Variants in DSCAM observed in about 807,000 individuals in gnomAD.
DSCAM encodes cell adhesion molecule DSCAM.
A neutral mutation model predicts 217.7 loss-of-function variants in DSCAM; 47 were observed. The observed-to-expected ratio is 0.22, with a 90% CI of 0.17 to 0.28. The LOEUF is 0.28. DSCAM is among the 10% of genes least tolerant of loss of function. DSCAM has a pLI of 1.00. For synonymous variants in DSCAM, 1,056 were observed against 1,015.3 expected, an observed-to-expected ratio of 1.04 and a Z score of -0.76; for missense variants, 2,080 against 2,618.3, an observed-to-expected ratio of 0.79 and a Z score of 4.49.
intron 1 of DSCAM, among the ~76,000 whole-genome samples, chr21:40,758,442 G>A (rs1021676367): frequency 1.3e-5 from 2 of 150,062 alleles, no homozygotes; most frequent in Non-Finnish European, 3.0e-5. Flanking sequence ...GCGTGAACCC[G>A]GGAGACGGAG....
At chr21:40,622,662 A>AG (rs1180365396) in intron 3 of DSCAM, among the ~76,000 whole-genome samples, 2 of 152,150 alleles carry the variant, frequency 1.3e-5, no homozygotes, top group African/African-American at 2.4e-5. Context: ...TACCAGCACG[A>AG]GGGGTCTAGT....
At chr21:40,540,238 T>G (rs2076532924) in intron 3 of DSCAM, among the ~76,000 whole-genome samples, 1 of 152,128 alleles carries the variant, frequency 6.6e-6, no homozygotes, top group African/African-American at 2.4e-5. Context: ...CATTAATCCA[T>G]TCACTAAACA....
chr21:40,051,922 AACACCCACACATTTTAAGCATTGTTG>A lies in DSCAM; in HGVS notation c.5185+10_5185+35del. On this transcript the variant is annotated intron_variant, in intron 30 of 32. Coordinates refer to ENST00000400454, the MANE Select transcript of DSCAM (RefSeq NM_001389.5). The stretch of plus-strand genomic sequence containing the variant: ...ACATTACTATGTTTTCAGCATTGTT[AACACCCACACATTTTAAGCATTGTTG>A]ACCACTCACTCGTTCCCGGCCGAGC... 1.3e-6 allele frequency: 2 copies of A among 1,585,534 alleles called. No individual in the cohort carries two copies.
intron 19 of DSCAM, 115 bp downstream of exon 19, chr21:40,133,739 C>T: frequency 1.6e-6 from 2 of 1,275,764 alleles, no homozygotes; most frequent in Non-Finnish European, 2.1e-6. Context: ...TTTGGGAGGG[C>T]AGCAAAGGTT....
intron 15 of DSCAM, among the ~76,000 whole-genome samples, chr21:40,172,167 G>A (rs765102283): frequency 2.9e-4 from 44 of 152,200 alleles, no homozygotes; most frequent in Non-Finnish European, 4.8e-4. Flanking sequence ...TACTGGGGAG[G>A]CTGAGGCAGG....
rs1173245202 is a variant in DSCAM at position 40,167,254 on chromosome 21, C to T, written c.2982G>A (p.Glu994=). 6.2e-7 allele frequency: 1 copy of T among 1,613,868 alleles called. No individual in the cohort carries two copies. The highest frequency in any genetic ancestry group is 8.5e-7 in the Non-Finnish European group (1 of 1,180,010). The part of the protein sequence containing the change: ...PDGPPQEVHL[E]PISSQSIRVT... ...CCCTGATGCTCTGAGATGATATAGG[C>T]TCCAGGTGAACTTCCTGAGGTGGAC... Residue 994 remains glutamate, a synonymous_variant, in exon 16 of 33, where the codon GAG becomes GAA. Transcript: ENST00000400454.
At chr21:40,573,094 T>C (rs2076820930) in intron 3 of DSCAM, among the ~76,000 whole-genome samples, 1 of 152,120 alleles carries the variant, frequency 6.6e-6, no homozygotes, top group Non-Finnish European at 1.5e-5. Flanking sequence ...TCCCAGCACT[T>C]TGAGAGGCCG....
At position 40,412,008 on chromosome 21, in the gene DSCAM, A is replaced by G. The variant is rs1035484848; in HGVS notation, c.509-42763T>C. Among the ~76,000 whole-genome samples, 4 of 152,248 alleles carry G rather than the reference A, an allele frequency of 2.6e-5. No homozygotes were observed. In the East Asian group the frequency reaches 5.8e-4, roughly 22 times the overall value. The stretch of plus-strand genomic sequence containing the variant: ...GTTCTTGTGGTAGTGAATAAGTCTC[A>G]CAAGATCTGATGGTTTGATAAGGGG... On this transcript the variant is annotated intron_variant, in intron 3 of 32. Coordinates refer to ENST00000400454, the MANE Select transcript of DSCAM (RefSeq NM_001389.5).
intron 16 of DSCAM, among the ~76,000 whole-genome samples, chr21:40,152,648 C>T (rs1298718840): frequency 2.0e-5 from 3 of 152,268 alleles, no homozygotes; most frequent in Non-Finnish European, 2.9e-5. Flanking sequence ...TGACAACAGT[C>T]GCACCATGTC....
intron 3 of DSCAM, among the ~76,000 whole-genome samples, chr21:40,520,428 A>G (rs2076349659): frequency 6.6e-6 from 1 of 152,192 alleles, no homozygotes; most frequent in Non-Finnish European, 1.5e-5. Flanking sequence ...GCTGTCAACA[A>G]TTTAAATGCA....
chr21:40,121,659 G>T, intron 20 of DSCAM, among the ~76,000 whole-genome samples: 1 of 140,892 alleles, frequency 7.1e-6, no homozygotes, highest in Admixed American at 7.0e-5. Flanking sequence ...CCTTTTTCTG[G>T]TGGGTTTGCT....
chr21:40,249,019 T>A (rs991243897), intron 11 of DSCAM, among the ~76,000 whole-genome samples: 1 of 152,200 alleles, frequency 6.6e-6, no homozygotes, highest in Non-Finnish European at 1.5e-5. Context: ...CAGGAAAGAC[T>A]GACCCCCATG....
intron 3 of DSCAM, among the ~76,000 whole-genome samples, chr21:40,498,779 GTGTATATATATATA>G (rs1164379275): frequency 8.6e-5 from 6 of 70,132 alleles, no homozygotes; most frequent in Admixed American, 3.5e-4. Flanking sequence ...ATATATGGGT[GTGTATATATATATA>G]TATATATATA....
At chr21:40,669,685 TCTC>T (rs1245062665) in intron 3 of DSCAM, among the ~76,000 whole-genome samples, 3 of 151,660 alleles carry the variant, frequency 2.0e-5, no homozygotes, top group Non-Finnish European at 4.4e-5. Flanking sequence ...CTCAAGCAAT[TCTC>T]CTGCCTCAGC....
chr21:40,406,765 T>A (rs2075282796), intron 3 of DSCAM, among the ~76,000 whole-genome samples: 1 of 152,176 alleles, frequency 6.6e-6, no homozygotes, highest in African/African-American at 2.4e-5. Context: ...AATTTTTGTG[T>A]TTTTTGTTCT....
At chr21:40,037,865 T>G (rs1426529996) in intron 32 of DSCAM, among the ~76,000 whole-genome samples, 1 of 145,720 alleles carries the variant, frequency 6.9e-6, no homozygotes, top group Non-Finnish European at 1.5e-5. Flanking sequence ...TAATGCTGCA[T>G]ATCTACAACT....
chr21:40,826,471 T>C (rs750127004), intron 1 of DSCAM, among the ~76,000 whole-genome samples: 15 of 152,194 alleles, frequency 9.9e-5, no homozygotes, highest in Non-Finnish European at 1.3e-4. Context: ...AGAGGAGTGA[T>C]GTAATCTGCT....
intron 3 of DSCAM, among the ~76,000 whole-genome samples, chr21:40,526,908 G>A (rs1307996725): frequency 1.3e-5 from 2 of 151,990 alleles, no homozygotes; most frequent in Non-Finnish European, 2.9e-5. Context: ...TAAGAATGAT[G>A]CTCAGAGCTT....
chr21:40,400,258 A>T (rs2075221560), intron 3 of DSCAM, among the ~76,000 whole-genome samples: 1 of 152,226 alleles, frequency 6.6e-6, no homozygotes, highest in Admixed American at 6.5e-5. Context: ...TAAAAATGAA[A>T]TAGTAACCCC....
Sources: gnomAD v4.1 joint callset for allele counts (sites outside exome capture counted in the v4.1 genomes callset) on GRCh38, gnomAD v4.1.1 for gene constraint, MANE v1.5 for transcripts, NCBI Gene and HGNC (gene_info 2026-07-23, HGNC 2026-07-21) for gene names.